The following SH3PXD2A variants were observed in gnomAD, a reference collection of about 807,000 sequenced individuals.
SH3PXD2A encodes SH3 and PX domain-containing protein 2A.
SH3PXD2A carries 32 observed loss-of-function variants against 115.2 expected under a neutral mutation model. The ratio of observed to expected loss-of-function variants is 0.28; its 90% CI spans 0.21 to 0.37. The LOEUF (loss-of-function observed/expected upper bound fraction) is 0.37. Ranked by LOEUF, SH3PXD2A falls within the 10% of genes least tolerant of loss-of-function variation. The pLI, the probability that SH3PXD2A is intolerant of heterozygous loss-of-function variation, is 1.00. For synonymous variants in SH3PXD2A, 610 were observed against 629.1 expected (o/e 0.97, Z 0.45); for missense variants, 1,328 against 1,498.7 (o/e 0.89, Z 1.88).
At chr10:103,695,156 C>A (rs2037809672) in intron 5 of SH3PXD2A, among the ~76,000 whole-genome samples, 1 of 152,202 alleles carries the variant, frequency 6.6e-6, no homozygotes, top group Non-Finnish European at 1.5e-5. Flanking sequence ...CCTGCTGGTC[C>A]TGGCAGGAGA....
chr10:103,652,242 C>T (rs1223631874), intron 8 of SH3PXD2A, among the ~76,000 whole-genome samples: 2 of 152,218 alleles, frequency 1.3e-5, no homozygotes, highest in East Asian at 1.9e-4. Context: ...GAAATGAACT[C>T]GGGGGTTCTA....
intron 5 of SH3PXD2A, among the ~76,000 whole-genome samples, chr10:103,721,633 G>A (rs1338989111): frequency 6.6e-6 from 1 of 152,186 alleles, no homozygotes; most frequent in Non-Finnish European, 1.5e-5. Flanking sequence ...CGATCACGGG[G>A]GATCCCAACA....
At chr10:103,777,457 G>A (rs1346306394) in intron 2 of SH3PXD2A, among the ~76,000 whole-genome samples, 1 of 152,276 alleles carries the variant, frequency 6.6e-6, no homozygotes, top group African/African-American at 2.4e-5. Flanking sequence ...TTGGGGAGGA[G>A]GCCTCTGGCT....
chr10:103,748,007 ACT>A (rs148561812), intron 3 of SH3PXD2A, among the ~76,000 whole-genome samples: 1,990 of 151,394 alleles, frequency 0.013, 52 homozygotes, highest in African/African-American at 0.046. Flanking sequence ...CAGACAGTCA[ACT>A]CTCTTCATCA....
chr10:103,632,517 C>T (rs1480812724), intron 8 of SH3PXD2A, among the ~76,000 whole-genome samples: 3 of 152,184 alleles, frequency 2.0e-5, no homozygotes, highest in Admixed American at 6.5e-5. Context: ...GTGTGACTCA[C>T]GCCAGGGTTC....
At chr10:103,679,546 G>A (rs569960191) in intron 6 of SH3PXD2A, among the ~76,000 whole-genome samples, 4 of 152,336 alleles carry the variant, frequency 2.6e-5, no homozygotes, top group South Asian at 4.1e-4. Context: ...GAGGAAGGGT[G>A]GGGGAGAGGG....
chr10:103,744,696 G>A (rs962803727), intron 3 of SH3PXD2A, among the ~76,000 whole-genome samples: 1 of 152,164 alleles, frequency 6.6e-6, no homozygotes, highest in Non-Finnish European at 1.5e-5. Flanking sequence ...GGGAAGGCAG[G>A]AGTGAGGCCT....
chr10:103,630,917 T>C (rs2036769675), intron 8 of SH3PXD2A, among the ~76,000 whole-genome samples: 1 of 152,110 alleles, frequency 6.6e-6, no homozygotes, highest in Non-Finnish European at 1.5e-5. Context: ...CTTACGGTAA[T>C]CCCCCTTATC....
intron 9 of SH3PXD2A, 89 bp downstream of exon 9, chr10:103,627,000 T>C: frequency 1.3e-6 from 1 of 754,550 alleles, no homozygotes; most frequent in Non-Finnish European, 2.4e-6. Flanking sequence ...CAGCTCACTT[T>C]AGGGGTTCTG....
At chr10:103,776,632 T>C (rs1371081727) in intron 2 of SH3PXD2A, among the ~76,000 whole-genome samples, 2 of 152,136 alleles carry the variant, frequency 1.3e-5, no homozygotes, top group Non-Finnish European at 1.5e-5. Context: ...GTCTGTCCCA[T>C]GCCTGTCCCC....
intron 1 of SH3PXD2A, among the ~76,000 whole-genome samples, chr10:103,809,082 T>G (rs7086883): frequency 0.32 from 48,233 of 152,070 alleles, 8,372 homozygotes; most frequent in African/African-American, 0.42. Flanking sequence ...GTTTCTGAGC[T>G]CAGCCTGAGA....
chr10:103,717,112 G>A (rs1244267212), intron 5 of SH3PXD2A, among the ~76,000 whole-genome samples: 1 of 152,182 alleles, frequency 6.6e-6, no homozygotes, highest in Non-Finnish European at 1.5e-5. Flanking sequence ...GGCACACAAG[G>A]GCCTTGCAAC....
At chr10:103,738,664 T>C (rs1007511907) in intron 3 of SH3PXD2A, among the ~76,000 whole-genome samples, 6 of 152,146 alleles carry the variant, frequency 3.9e-5, no homozygotes, top group Admixed American at 1.3e-4. Flanking sequence ...TCTCATCCTG[T>C]TGGGGGACAA....
At chr10:103,775,683 C>T (rs970444773) in intron 2 of SH3PXD2A, among the ~76,000 whole-genome samples, 7 of 152,098 alleles carry the variant, frequency 4.6e-5, no homozygotes, top group South Asian at 2.1e-4. Context: ...TGCTGGGATC[C>T]GGGGTGGAGG....
chr10:103,791,656 C>A (rs1206240977), intron 2 of SH3PXD2A, among the ~76,000 whole-genome samples: 2 of 151,930 alleles, frequency 1.3e-5, no homozygotes, highest in African/African-American at 4.8e-5. Context: ...CCGCTGCCAC[C>A]ACCTTCCTTC....
chr10:103,762,743 C>G (rs1351166082), intron 3 of SH3PXD2A, among the ~76,000 whole-genome samples: 1 of 152,210 alleles, frequency 6.6e-6, no homozygotes, highest in Non-Finnish European at 1.5e-5. Flanking sequence ...CAGGTTCTAG[C>G]CCTGATGAAA....
intron 2 of SH3PXD2A, among the ~76,000 whole-genome samples, chr10:103,789,530 TAC>T (rs72505791): frequency 0.094 from 13,501 of 144,194 alleles, 752 homozygotes; most frequent in Non-Finnish European, 0.13. Context: ...TGTGTATACG[TAC>T]ACACACACAC....
chr10:103,729,470 C>G (rs1475546169), intron 4 of SH3PXD2A, among the ~76,000 whole-genome samples: 1 of 152,256 alleles, frequency 6.6e-6, no homozygotes, highest in Non-Finnish European at 1.5e-5. Flanking sequence ...TTGAGACTTT[C>G]TAATAGAGCT....
intron 1 of SH3PXD2A, among the ~76,000 whole-genome samples, chr10:103,828,748 C>T (rs1443070875): frequency 1.3e-5 from 2 of 152,184 alleles, no homozygotes; most frequent in Non-Finnish European, 2.9e-5. Context: ...GTGAATCTGC[C>T]TTTTGGGTCT....
Sources: allele counts gnomAD v4.1 joint callset (sites outside exome capture counted in the v4.1 genomes callset), GRCh38; gene constraint gnomAD v4.1.1; transcripts MANE v1.5; gene names NCBI Gene and HGNC (gene_info 2026-07-23, HGNC 2026-07-21).